RAB31: variants seen among roughly 807,000 people sequenced by gnomAD.
RAB31 encodes ras-related protein Rab-31.
RAB31 carries 21 observed loss-of-function variants against 25.6 expected under a neutral mutation model. That is an observed-to-expected ratio of 0.82 (90% CI 0.58 to 1.18). RAB31 has a LOEUF of 1.18. Ranked by LOEUF, RAB31 falls within the 50% of genes most tolerant of loss-of-function variation. RAB31 has a pLI of 0.00. For missense variants in RAB31, 196 were observed against 250.1 expected (o/e 0.78, Z 1.46); for synonymous variants, 87 against 84.0 (o/e 1.04, Z -0.20).
At chr18:9,713,527 G>A (rs1338406773) in intron 1 of RAB31, among the ~76,000 whole-genome samples, 1 of 152,184 alleles carries the variant, frequency 6.6e-6, no homozygotes, top group East Asian at 1.9e-4. Flanking sequence ...CCAGGCTGAT[G>A]GAATCCATCA....
chr18:9,764,670 T>C (rs900149428), intron 1 of RAB31, among the ~76,000 whole-genome samples: 2 of 152,202 alleles, frequency 1.3e-5, no homozygotes, highest in African/African-American at 4.8e-5. Flanking sequence ...TCGTATTCTC[T>C]GGTAGGATGT....
chr18:9,798,855 C>T (rs971070038), intron 3 of RAB31, among the ~76,000 whole-genome samples: 5 of 151,978 alleles, frequency 3.3e-5, no homozygotes, highest in Non-Finnish European at 5.9e-5. Flanking sequence ...TTTGGGAGGC[C>T]GAGGCGGGCA....
intron 3 of RAB31, among the ~76,000 whole-genome samples, chr18:9,794,813 TCAAAAAAACAAAAAA>T (rs1487275788): frequency 4.6e-4 from 69 of 151,304 alleles, no homozygotes; most frequent in African/African-American, 8.7e-4. Context: ...AGAGTCTGTC[TCAAAAAAACAAAAAA>T]CAAAAAAACA....
chr18:9,738,615 C>T (rs2068162397), intron 1 of RAB31, among the ~76,000 whole-genome samples: 2 of 152,184 alleles, frequency 1.3e-5, no homozygotes, highest in African/African-American at 4.8e-5. Flanking sequence ...TCCCACATGC[C>T]TTGCCCTACA....
intron 5 of RAB31, among the ~76,000 whole-genome samples, chr18:9,829,689 G>C (rs748027941): frequency 1.3e-5 from 2 of 152,132 alleles, no homozygotes; most frequent in South Asian, 2.1e-4. Context: ...TCCTTGCCAG[G>C]CTTCAGAATT....
At chr18:9,855,019 T>A (rs1037673874) in intron 6 of RAB31, among the ~76,000 whole-genome samples, 1 of 152,206 alleles carries the variant, frequency 6.6e-6, no homozygotes, top group Non-Finnish European at 1.5e-5. Context: ...GTGGAATGGT[T>A]AGCGGGAGAA....
chr18:9,843,150 T>G (rs1313036483), intron 5 of RAB31, among the ~76,000 whole-genome samples: 1 of 152,156 alleles, frequency 6.6e-6, no homozygotes, highest in African/African-American at 2.4e-5. Context: ...GCTTGCCAGG[T>G]GCTCCTCACC....
chr18:9,733,114 C>CAA (rs2068131930), intron 1 of RAB31, among the ~76,000 whole-genome samples: 1 of 152,192 alleles, frequency 6.6e-6, no homozygotes, highest in Admixed American at 6.5e-5. Context: ...GGGTGTTTTC[C>CAA]ATGCTATAAA....
intron 1 of RAB31, among the ~76,000 whole-genome samples, chr18:9,731,077 G>C (rs781542317): frequency 6.6e-6 from 1 of 152,168 alleles, no homozygotes; most frequent in Non-Finnish European, 1.5e-5. Flanking sequence ...CTTCTTAACA[G>C]CATATCTGCT....
At position 9,775,422 on chromosome 18, in the gene RAB31, G is replaced by C. The variant is rs1249656434; in HGVS notation, c.119+65G>C. ...TTCACGGCATCAGAATGACCACTCT[G>C]TCTGTGCCTGAGCCTTCAGGCAGGG... On this transcript the variant is annotated intron_variant, in intron 2 of 6. Transcript: ENST00000578921. The C allele has an allele frequency of 2.5e-6, 4 of 1,601,532 alleles. No homozygotes were observed. In the Admixed American group the frequency reaches 6.9e-5, roughly 28 times the overall value.
chr18:9,848,205 T>G (rs908540613), intron 6 of RAB31, among the ~76,000 whole-genome samples: 4 of 152,184 alleles, frequency 2.6e-5, no homozygotes, highest in Middle Eastern at 3.2e-3. Context: ...CATCTGTCTG[T>G]CTATCCATCT....
intron 4 of RAB31, 185 bp from the exon 5 acceptor site, chr18:9,814,931 A>G (rs2068593328): frequency 2.3e-6 from 1 of 433,834 alleles, no homozygotes; most frequent in Non-Finnish European, 4.1e-6. Context: ...AAAACTTGAT[A>G]TGGTCTATTT....
intron 6 of RAB31, among the ~76,000 whole-genome samples, chr18:9,852,610 A>C (rs1266820547): frequency 4.0e-5 from 6 of 151,122 alleles, no homozygotes; most frequent in Non-Finnish European, 7.4e-5. Flanking sequence ...TTTTTCCTGA[A>C]TAGTATTCCA....
At chr18:9,715,056 C>T (rs2068037059) in intron 1 of RAB31, among the ~76,000 whole-genome samples, 2 of 151,696 alleles carry the variant, frequency 1.3e-5, no homozygotes. Flanking sequence ...TGGTCCCTGC[C>T]TGGGATGGAG....
intron 1 of RAB31, among the ~76,000 whole-genome samples, chr18:9,748,342 C>T (rs983194590): frequency 6.6e-6 from 1 of 151,704 alleles, no homozygotes; most frequent in African/African-American, 2.4e-5. Flanking sequence ...ACCCCCTACC[C>T]CCAAATAATA....
At chr18:9,846,635 T>C (rs1040375284) in intron 6 of RAB31, among the ~76,000 whole-genome samples, 1 of 152,224 alleles carries the variant, frequency 6.6e-6, no homozygotes, top group African/African-American at 2.4e-5. Flanking sequence ...AAACTGATGG[T>C]TTGATCTCTT....
chr18:9,749,449 CA>C (rs1881435698), intron 1 of RAB31, among the ~76,000 whole-genome samples: 1 of 152,314 alleles, frequency 6.6e-6, no homozygotes, highest in South Asian at 2.1e-4. Context: ...CTCACCAACA[CA>C]AAATTCTACT....
At chr18:9,813,625 G>GC (rs2068586163) in intron 3 of RAB31, among the ~76,000 whole-genome samples, 1 of 152,156 alleles carries the variant, frequency 6.6e-6, no homozygotes, top group Non-Finnish European at 1.5e-5. Context: ...GCTGAGGCAG[G>GC]TGGACCACCT....
intron 1 of RAB31, among the ~76,000 whole-genome samples, chr18:9,754,290 T>C (rs934326418): frequency 2.0e-5 from 3 of 151,944 alleles, no homozygotes; most frequent in Non-Finnish European, 2.9e-5. Flanking sequence ...CTTTTTTCTC[T>C]TTTTTTTGAG....
Sources: allele counts gnomAD v4.1 joint callset (sites outside exome capture counted in the v4.1 genomes callset), GRCh38; gene constraint gnomAD v4.1.1; transcripts MANE v1.5; gene names NCBI Gene and HGNC (gene_info 2026-07-23, HGNC 2026-07-21).